NEBL: variants seen among roughly 807,000 people sequenced by gnomAD.
NEBL encodes the protein LIM and SH3 protein 2.
A neutral mutation model predicts 140.2 loss-of-function variants in NEBL; 122 were observed. The ratio of observed to expected loss-of-function variants is 0.87; its 90% CI spans 0.75 to 1.01. The LOEUF is 1.01. NEBL is among the 50% of genes least tolerant of loss of function. The pLI, the probability that NEBL is intolerant of heterozygous loss-of-function variation, is 0.00. For missense variants in NEBL, 1,365 were observed against 1,231.3 expected, an observed-to-expected ratio of 1.11 and a Z score of -1.62; for synonymous variants, 436 against 398.9, an observed-to-expected ratio of 1.09 and a Z score of -1.11.
intron 2 of NEBL, among the ~76,000 whole-genome samples, chr10:21,117,849 A>G (rs182002788): frequency 6.6e-6 from 1 of 152,088 alleles, no homozygotes; most frequent in Non-Finnish European, 1.5e-5. Flanking sequence ...TCAAGTAGCA[A>G]CTCGGCCGCT....
In NEBL at chr10:20,890,375, A is replaced by C. The variant is rs569719329; in HGVS notation, c.154-426T>G. On this transcript the variant is annotated intron_variant, in intron 2 of 27. Coordinates refer to ENST00000377122, the MANE Select transcript of NEBL (RefSeq NM_006393.3). The stretch of plus-strand genomic sequence containing the variant: ...AGGTAGAAAATAAGTAGTCAGCATG[A>C]CAGATGTGACCAATTAAGAAGTAGA... Among the ~76,000 whole-genome samples the C allele has an allele frequency of 3.3e-5, 5 of 152,364 alleles. No individual in the cohort carries two copies. In the East Asian group the frequency reaches 9.6e-4, roughly 29 times the overall value.
chr10:21,086,787 A>T (rs1424439201), intron 2 of NEBL, among the ~76,000 whole-genome samples: 1 of 152,198 alleles, frequency 6.6e-6, no homozygotes, highest in African/African-American at 2.4e-5. Context: ...AAAAATAAAA[A>T]TAAAAATAAA....
At chr10:21,246,770 G>T (rs1588559639) in intron 3 of NEBL, among the ~76,000 whole-genome samples, 1 of 152,076 alleles carries the variant, frequency 6.6e-6, no homozygotes, top group Admixed American at 6.5e-5. Flanking sequence ...GAGTTTTGAG[G>T]TTGCAGTGAG....
chr10:20,786,903 G>T (rs558289698), intron 27 of NEBL, among the ~76,000 whole-genome samples: 1 of 152,278 alleles, frequency 6.6e-6, no homozygotes, highest in East Asian at 1.9e-4. Context: ...CCTAAGGCAT[G>T]AGTAAAGAGC....
chr10:21,152,657 C>G (rs973309512), intron 2 of NEBL, among the ~76,000 whole-genome samples: 8 of 152,016 alleles, frequency 5.3e-5, no homozygotes, highest in African/African-American at 1.9e-4. Context: ...AAACTTCTAA[C>G]TATTCTGCCC....
At chr10:20,935,127 T>C (rs992543587) in intron 4 of NEBL, among the ~76,000 whole-genome samples, 1 of 152,122 alleles carries the variant, frequency 6.6e-6, no homozygotes, top group Non-Finnish European at 1.5e-5. Flanking sequence ...TCTACCTGGC[T>C]AGAAAGAGAG....
At chr10:20,840,374 G>C (rs1235397265) in intron 13 of NEBL, among the ~76,000 whole-genome samples, 1 of 152,106 alleles carries the variant, frequency 6.6e-6, no homozygotes, top group Non-Finnish European at 1.5e-5. Context: ...GACTGGGAGA[G>C]TCAGTTGGGT....
chr10:21,009,741 T>C (rs1328300835), intron 3 of NEBL, among the ~76,000 whole-genome samples: 1 of 152,204 alleles, frequency 6.6e-6, no homozygotes, highest in Non-Finnish European at 1.5e-5. Flanking sequence ...CTTGAGCCTG[T>C]TTTTATCCTT....
intron 2 of NEBL, among the ~76,000 whole-genome samples, chr10:21,248,313 A>G (rs1426762532): frequency 1.3e-5 from 2 of 151,654 alleles, no homozygotes; most frequent in African/African-American, 4.8e-5. Context: ...TATTGCTCAT[A>G]CTTTTGAAAC....
At chr10:20,950,240 C>T (rs1008757888) in intron 4 of NEBL, among the ~76,000 whole-genome samples, 1 of 152,204 alleles carries the variant, frequency 6.6e-6, no homozygotes, top group Admixed American at 6.5e-5. Flanking sequence ...ATAGTAAACA[C>T]TTTAAAACAT....
At chr10:21,086,305 C>T (rs1338823960) in intron 2 of NEBL, among the ~76,000 whole-genome samples, 1 of 152,198 alleles carries the variant, frequency 6.6e-6, no homozygotes, top group Non-Finnish European at 1.5e-5. Context: ...AATGACATAA[C>T]AGATTTCTCA....
intron 26 of NEBL, among the ~76,000 whole-genome samples, chr10:20,790,418 C>T (rs1384661264): frequency 1.3e-5 from 2 of 151,806 alleles, no homozygotes; most frequent in East Asian, 1.9e-4. Context: ...GCCTAGCCAA[C>T]ATGGTGAAAC....
chr10:20,888,328 C>A lies in NEBL; in HGVS notation c.259-121G>T, dbSNP rs2131362496. 8.7e-6 allele frequency: 6 copies of A among 689,728 alleles called. No individual in the cohort carries two copies. In the East Asian group the frequency reaches 1.7e-4, roughly 19 times the overall value. 42.7% of individuals were successfully genotyped at this position (689,728 alleles called of 1,614,324 possible). A position where few individuals can be genotyped will look rare whatever the true frequency, so the allele number is the denominator to read the frequency against. ...CAGAATTGATTTTAAAATCTGCAGA[C>A]CATTTTAATTTTAGATACCAGAGCT... On this transcript the variant is annotated intron_variant, in intron 3 of 27. Coordinates refer to ENST00000377122, the MANE Select transcript of NEBL (RefSeq NM_006393.3).
intron 3 of NEBL, among the ~76,000 whole-genome samples, chr10:20,999,858 A>C (rs1837818026): frequency 6.6e-6 from 1 of 151,892 alleles, no homozygotes. Context: ...AATAATCTAT[A>C]CTCTAATTCA....
chr10:21,243,209 T>G lies in NEBL; in HGVS notation n.348+4712A>C, dbSNP rs539621174. On this transcript the variant is annotated intron_variant and non_coding_transcript_variant, in intron 3 of 8. Coordinates refer to the NEBL transcript ENST00000675702. ...TCATGGTAGACATCCATTCAAGATA[T>G]CTAGACCTTTGCGGACATCTTGTCA... Among the ~76,000 whole-genome samples the G allele has an allele frequency of 7.2e-5, 11 of 152,070 alleles. No homozygotes were observed. The East Asian group carries it at 9.7e-4, about 13-fold the overall frequency.
chr10:20,858,859 C>CT (rs1379662224), intron 8 of NEBL, among the ~76,000 whole-genome samples: 3 of 152,086 alleles, frequency 2.0e-5, no homozygotes, highest in Non-Finnish European at 4.4e-5. Flanking sequence ...ATTGAATCTC[C>CT]ACAATAACCT....
chr10:21,035,524 T>G (rs1441736105), intron 2 of NEBL, among the ~76,000 whole-genome samples: 1 of 152,152 alleles, frequency 6.6e-6, no homozygotes, highest in Non-Finnish European at 1.5e-5. Context: ...CAGCTCTTCT[T>G]TAAATATACT....
intron 9 of NEBL, among the ~76,000 whole-genome samples, chr10:20,857,979 T>G (rs932165316): frequency 1.3e-5 from 2 of 151,978 alleles, no homozygotes; most frequent in African/African-American, 4.8e-5. Context: ...GAAAGAAGAA[T>G]GATGGAAAGG....
chr10:20,865,811 G>T (rs788998), intron 7 of NEBL, among the ~76,000 whole-genome samples: 32,505 of 152,042 alleles, frequency 0.21, 3,858 homozygotes, highest in East Asian at 0.43. Flanking sequence ...TTACTATGAG[G>T]CACAATTGCA....
Sources: gnomAD v4.1 joint callset for allele counts (sites outside exome capture counted in the v4.1 genomes callset) on GRCh38, gnomAD v4.1.1 for gene constraint, MANE v1.5 for transcripts, NCBI Gene and HGNC (gene_info 2026-07-23, HGNC 2026-07-21) for gene names.